USP7: variants seen among roughly 807,000 people sequenced by gnomAD.
USP7 encodes ubiquitin specific peptidase 7.
A neutral mutation model predicts 162.9 loss-of-function variants in USP7; 9 were observed. The ratio of observed to expected loss-of-function variants is 0.06; its 90% CI spans 0.03 to 0.10. The LOEUF (loss-of-function observed/expected upper bound fraction) is 0.10, where lower values mean the gene tolerates loss of function less well. Among genes scored for constraint, USP7 ranks in the 10% least tolerant of loss-of-function variants. The probability of loss-of-function intolerance (pLI) is 1.00; values close to 1 mark genes in which losing one functional copy is unlikely to be tolerated. For missense variants in USP7, 715 were observed against 1,373.7 expected, an observed-to-expected ratio of 0.52 and a Z score of 7.58; for synonymous variants, 562 against 475.9, an observed-to-expected ratio of 1.18 and a Z score of -2.35.
intron 13 of USP7, among the ~76,000 whole-genome samples, chr16:8,906,126 C>T (rs766676233): frequency 9.2e-5 from 14 of 152,202 alleles, no homozygotes; most frequent in Non-Finnish European, 1.9e-4. Context: ...CTGGGCCCAC[C>T]GCATGGGTAA....
chr16:8,901,972 A>T, intron 18 of USP7, 110 bp downstream of exon 18: 2 of 904,014 alleles, frequency 2.2e-6, no homozygotes, highest in Admixed American at 2.4e-5. Context: ...GGAATTGATC[A>T]ACACATCTTT....
chr16:8,897,364 T>C, intron 25 of USP7: 1 of 421,988 alleles, frequency 2.4e-6, no homozygotes, highest in Non-Finnish European at 4.3e-6. Flanking sequence ...ACAGAACACC[T>C]TCTCAGGAAA....
Position 8,894,867 on chromosome 16 carries a change from A to G in USP7, c.3040-12T>C, listed in dbSNP as rs1274750728. On this transcript the variant is annotated splice_polypyrimidine_tract_variant and intron_variant, in intron 28 of 30. Coordinates refer to ENST00000344836, the MANE Select transcript of USP7 (RefSeq NM_003470.3). ...CGAAAATGCTCGCCCTAGAATGGCAAAGGACATGTGCTCACACAGTCACTC... is the reference window on the plus strand; with the variant it reads ...CGAAAATGCTCGCCCTAGAATGGCAGAGGACATGTGCTCACACAGTCACTC... 3 of 1,614,056 alleles carry G rather than the reference A, an allele frequency of 1.9e-6. No individual in the cohort carries two copies. The highest frequency in any genetic ancestry group is 2.5e-6 in the Non-Finnish European group (3 of 1,180,022).
At chr16:8,908,285 A>G (rs1241636774) in intron 12 of USP7, 56 bp downstream of exon 12, 2 of 1,389,798 alleles carry the variant, frequency 1.4e-6, no homozygotes, top group African/African-American at 1.4e-5. Flanking sequence ...ACTGAGACTA[A>G]CCCCCTAGAC....
intron 3 of USP7, 77 bp from the exon 4 acceptor site, chr16:8,921,372 G>A: frequency 6.6e-7 from 1 of 1,506,986 alleles, no homozygotes; most frequent in Non-Finnish European, 9.0e-7. Flanking sequence ...AGTAAACATA[G>A]CACACCAAAA....
chr16:8,933,665 T>C lies in USP7; in HGVS notation c.80-3268A>G, dbSNP rs74680435. On this transcript the variant is annotated intron_variant, in intron 1 of 30. Transcript: ENST00000344836. ...ACAAGATTTTACAATGTTGCCCAGG[T>C]TGGTCTTGAACTGGACTCAAGCAAT... Among the ~76,000 whole-genome samples the C allele has an allele frequency of 6.3e-3, 964 of 152,170 alleles. 18 individuals are homozygous for C. In the East Asian group the frequency reaches 0.071, roughly 11 times the overall value.
intron 2 of USP7, chr16:8,929,288 A>G: frequency 8.5e-6 from 3 of 351,086 alleles, no homozygotes; most frequent in South Asian, 6.3e-5. Flanking sequence ...GCGAGACCAC[A>G]CCCACACCAT....
In USP7 at chr16:8,903,206, A is replaced by G. The variant is rs1406949954; in HGVS notation, c.1839+62T>C. ...CAAAGGCAATCAGTATTTTCTAGTG[A>G]CACGGAAGGAAGGTGGACGTTGGGA... On this transcript the variant is annotated intron_variant, in intron 16 of 30. Coordinates refer to ENST00000344836, the MANE Select transcript of USP7 (RefSeq NM_003470.3). 6 of 1,572,758 alleles carry G rather than the reference A, an allele frequency of 3.8e-6. No homozygotes were observed. In the African/African-American group the frequency reaches 6.8e-5, roughly 18 times the overall value.
intron 1 of USP7, among the ~76,000 whole-genome samples, chr16:8,952,128 T>C (rs1899582827): frequency 6.6e-6 from 1 of 152,130 alleles, no homozygotes; most frequent in Admixed American, 6.6e-5. Context: ...GGTGTGCCTG[T>C]AGTCCCAGTC....
intron 17 of USP7, 42 bp from the exon 18 acceptor site, chr16:8,902,229 C>T: frequency 6.2e-7 from 1 of 1,600,662 alleles, no homozygotes; most frequent in Non-Finnish European, 8.5e-7. Context: ...AGTCTAATGG[C>T]TTAGGTGACA....
chr16:8,955,500 C>T (rs1049585927), intron 1 of USP7, among the ~76,000 whole-genome samples: 2 of 152,078 alleles, frequency 1.3e-5, no homozygotes, highest in Non-Finnish European at 2.9e-5. Context: ...AGTGAGGCAG[C>T]TCATGAGGTC....
intron 5 of USP7, 58 bp from the exon 6 acceptor site, chr16:8,919,197 G>T: frequency 6.4e-7 from 1 of 1,554,700 alleles, no homozygotes. Flanking sequence ...CTCCTGCAGT[G>T]TGTGTGAAGC....
In USP7 at chr16:8,930,221, C is replaced by G. The variant is rs1898238390; in HGVS notation, c.184+72G>C. On this transcript the variant is annotated intron_variant, in intron 2 of 30. Coordinates refer to ENST00000344836, the MANE Select transcript of USP7 (RefSeq NM_003470.3). ...TACCCAAGGATGTACCCAAGAAGTA[C>G]CAAGCATGGATCTGAACCTGTTTTC... 2.5e-6 allele frequency: 3 copies of G among 1,216,222 alleles called. No homozygotes were observed. In the African/African-American group the frequency reaches 4.5e-5, roughly 18 times the overall value. The allele number at this position is 1,216,222 out of a possible 1,614,324, so 75.3% of individuals were successfully genotyped here.
At chr16:8,949,401 C>T (rs1443889231) in intron 1 of USP7, among the ~76,000 whole-genome samples, 1 of 152,186 alleles carries the variant, frequency 6.6e-6, no homozygotes, top group Non-Finnish European at 1.5e-5. Flanking sequence ...ATGCCTGGGG[C>T]ACAGTCCCTG....
intron 1 of USP7, among the ~76,000 whole-genome samples, chr16:8,950,577 G>A (rs1899504179): frequency 6.6e-6 from 1 of 152,206 alleles, no homozygotes; most frequent in South Asian, 2.1e-4. Flanking sequence ...GCTTTCAGCA[G>A]CACATTTCCC....
chr16:8,906,324 G>A (rs553774130), intron 13 of USP7, 102 bp downstream of exon 13: 643 of 1,357,512 alleles, frequency 4.7e-4, no homozygotes, highest in Non-Finnish European at 4.9e-4. Flanking sequence ...GATCAGTTAG[G>A]GGTCCCTGAC....
chr16:8,931,204 T>C (rs533098762), intron 1 of USP7, among the ~76,000 whole-genome samples: 272 of 151,914 alleles, frequency 1.8e-3, no homozygotes, highest in African/African-American at 6.5e-3. Flanking sequence ...TTTTTTTTTT[T>C]CTGAGACAGA....
Position 8,962,318 on chromosome 16 carries a change from T to C in USP7, c.79+889A>G, listed in dbSNP as rs544478120. On this transcript the variant is annotated intron_variant, in intron 1 of 30. Coordinates refer to ENST00000344836, the MANE Select transcript of USP7 (RefSeq NM_003470.3). ...TGGACTTTGCTTTGTTTCAGTGAAA[T>C]GGGTCGTGAGAAAAAGTGCCTTCCA... Among the ~76,000 whole-genome samples, 5 of 152,336 alleles carry C rather than the reference T, an allele frequency of 3.3e-5. 1 individual carries two copies. The South Asian group carries it at 1.0e-3, about 32-fold the overall frequency.
At chr16:8,895,787 T>A in intron 26 of USP7, 46 bp from the exon 27 acceptor site, 1 of 1,272,046 alleles carries the variant, frequency 7.9e-7, no homozygotes, top group Non-Finnish European at 1.1e-6. Flanking sequence ...AGTATATATA[T>A]TCACATAAAA....
Sources: allele counts gnomAD v4.1 joint callset (sites outside exome capture counted in the v4.1 genomes callset), GRCh38; gene constraint gnomAD v4.1.1; transcripts MANE v1.5; gene names NCBI Gene and HGNC (gene_info 2026-07-23, HGNC 2026-07-21).